FZD3: variants seen among roughly 807,000 people sequenced by gnomAD.
FZD3 encodes frizzled-3.
FZD3 carries 30 observed loss-of-function variants against 60.7 expected under a neutral mutation model. That is an observed-to-expected ratio of 0.49 (90% CI 0.37 to 0.67). The LOEUF (loss-of-function observed/expected upper bound fraction) is 0.67. FZD3 is among the 30% of genes least tolerant of loss of function. The pLI is 0.00. For missense variants in FZD3, 605 were observed against 838.7 expected (o/e 0.72, Z 3.44); for synonymous variants, 246 against 275.2 (o/e 0.89, Z 1.05).
chr8:28,528,192 G>A (rs1414030881), intron 5 of FZD3, 28 bp downstream of exon 5: 1 of 1,531,386 alleles, frequency 6.5e-7, no homozygotes, highest in African/African-American at 1.4e-5. Flanking sequence ...ACAAATTTCA[G>A]AATATATGAT....
At chr8:28,507,788 GA>G (rs1183925359) in intron 3 of FZD3, among the ~76,000 whole-genome samples, 3 of 107,864 alleles carry the variant, frequency 2.8e-5, no homozygotes, top group Non-Finnish European at 6.0e-5. Context: ...TGAACTCAAG[GA>G]TTTTTTTTTT....
chr8:28,504,302 G>GT (rs1218182337), intron 3 of FZD3, among the ~76,000 whole-genome samples: 4 of 152,168 alleles, frequency 2.6e-5, no homozygotes, highest in Non-Finnish European at 4.4e-5. Flanking sequence ...CTAAGTGGTT[G>GT]AAGAGAGAGA....
chr8:28,544,138 T>C (rs562711295), intron 5 of FZD3, among the ~76,000 whole-genome samples: 31 of 152,136 alleles, frequency 2.0e-4, no homozygotes, highest in African/African-American at 7.5e-4. Context: ...TCTGGGATAG[T>C]AGTGCTCCTA....
At chr8:28,511,530 G>A (rs1047130281) in intron 3 of FZD3, among the ~76,000 whole-genome samples, 1 of 152,152 alleles carries the variant, frequency 6.6e-6, no homozygotes, top group South Asian at 2.1e-4. Context: ...TCCTTGCCTA[G>A]AGGATCAAAT....
chr8:28,541,037 G>A (rs1048480493), intron 5 of FZD3, among the ~76,000 whole-genome samples: 2 of 151,986 alleles, frequency 1.3e-5, no homozygotes, highest in African/African-American at 4.8e-5. Flanking sequence ...TTTTTCTTTA[G>A]TAGGCTTTGC....
intron 2 of FZD3, among the ~76,000 whole-genome samples, chr8:28,500,929 T>C (rs773097926): frequency 7.9e-5 from 12 of 152,092 alleles, no homozygotes; most frequent in Admixed American, 2.0e-4. Flanking sequence ...CCTGGCTAAT[T>C]TTTTGTATTT....
chr8:28,533,842 G>C (rs1804941912), intron 5 of FZD3, among the ~76,000 whole-genome samples: 1 of 152,038 alleles, frequency 6.6e-6, no homozygotes, highest in South Asian at 2.1e-4. Flanking sequence ...AGATAGTGCT[G>C]GTGTGGCTAA....
chr8:28,549,991 C>T (rs1185155859), intron 5 of FZD3, among the ~76,000 whole-genome samples: 1 of 151,956 alleles, frequency 6.6e-6, no homozygotes, highest in Non-Finnish European at 1.5e-5. Context: ...AAATAAGTTT[C>T]TTTATGGAGG....
intron 1 of FZD3, among the ~76,000 whole-genome samples, chr8:28,499,386 T>G (rs956882716): frequency 6.6e-6 from 1 of 152,190 alleles, no homozygotes; most frequent in Non-Finnish European, 1.5e-5. Context: ...TTCCATCATG[T>G]GGTTATACCA....
intron 7 of FZD3, among the ~76,000 whole-genome samples, chr8:28,559,636 T>G (rs1805579836): frequency 6.6e-6 from 1 of 152,182 alleles, no homozygotes; most frequent in South Asian, 2.1e-4. Context: ...ACTAATACTG[T>G]AGGACTCTTG....
In FZD3 at chr8:28,566,461, C is replaced by G. The variant is rs936369712; in HGVS notation, c.*3450C>G. On this transcript the variant is annotated 3_prime_UTR_variant, in exon 8 of 8. Coordinates refer to ENST00000240093, the MANE Select transcript of FZD3 (RefSeq NM_017412.4). ...AATCTTCAAATCAACCTTTCTTTTT[C>G]TGCTGCTCTTAGAGCAGATTTATAA... The G allele has an allele frequency of 6.6e-6, 1 of 152,084 alleles. No individual in the cohort carries two copies. The highest frequency in any genetic ancestry group is 2.4e-5 in the African/African-American group (1 of 41,416). The allele number at this position is 152,084 out of a possible 1,614,324, so 9.4% of individuals were successfully genotyped here.
At chr8:28,558,157 G>A in intron 7 of FZD3, among the ~76,000 whole-genome samples, 1 of 152,202 alleles carries the variant, frequency 6.6e-6, no homozygotes, top group East Asian at 1.9e-4. Context: ...CTGGGCAGCA[G>A]TGAGAAACTA....
intron 5 of FZD3, among the ~76,000 whole-genome samples, chr8:28,545,795 T>TA (rs1805279946): frequency 6.6e-6 from 1 of 152,190 alleles, no homozygotes. Context: ...ATTGGTATAT[T>TA]AAAAAACATA....
chr8:28,518,307 C>T lies in FZD3; in HGVS notation c.190-2331C>T, dbSNP rs111548239. On this transcript the variant is annotated intron_variant, in intron 3 of 7. Transcript: ENST00000240093. ...TCCTGAGCTCAGGTGATCCTCCTGC[C>T]TCGGCCTCTCAGAGTGCTGAGATTA... Among the ~76,000 whole-genome samples the T allele has an allele frequency of 9.1e-3, 1,386 of 151,870 alleles. 26 individuals are homozygous for T. The highest frequency in any genetic ancestry group is 0.031 in the African/African-American group (1,299 of 41,386).
chr8:28,557,209 CAAA>C (rs34146681), intron 7 of FZD3, among the ~76,000 whole-genome samples: 1 of 117,936 alleles, frequency 8.5e-6, no homozygotes. Flanking sequence ...AACTCTGTCT[CAAA>C]AAAAAAAAAA....
intron 3 of FZD3, among the ~76,000 whole-genome samples, chr8:28,510,759 G>A (rs558638906): frequency 1.6e-4 from 25 of 152,284 alleles, no homozygotes; most frequent in South Asian, 1.5e-3. Flanking sequence ...ACAGTGGGCC[G>A]GGCACGGTGG....
At chr8:28,511,780 T>C (rs1463134181) in intron 3 of FZD3, among the ~76,000 whole-genome samples, 1 of 152,352 alleles carries the variant, frequency 6.6e-6, no homozygotes, top group East Asian at 1.9e-4. Context: ...TTTTTGTGTG[T>C]ATATTATTAT....
At chr8:28,531,757 A>G (rs1228988950) in intron 5 of FZD3, among the ~76,000 whole-genome samples, 1 of 152,062 alleles carries the variant, frequency 6.6e-6, no homozygotes, top group Non-Finnish European at 1.5e-5. Flanking sequence ...CCTATTTGTT[A>G]TCTTTGTCCA....
At chr8:28,497,413 G>A (rs1803871961) in intron 1 of FZD3, among the ~76,000 whole-genome samples, 1 of 151,734 alleles carries the variant, frequency 6.6e-6, no homozygotes, top group African/African-American at 2.4e-5. Flanking sequence ...TGAGCAATGA[G>A]TGTACACTGA....
Sources: gnomAD v4.1 joint callset for allele counts (sites outside exome capture counted in the v4.1 genomes callset) on GRCh38, gnomAD v4.1.1 for gene constraint, MANE v1.5 for transcripts, NCBI Gene and HGNC (gene_info 2026-07-23, HGNC 2026-07-21) for gene names.